Variants in CACNA2D1 observed in about 807,000 individuals in gnomAD.
CACNA2D1 encodes the protein calcium voltage-gated channel auxiliary subunit alpha2delta 1.
CACNA2D1 carries 53 observed loss-of-function variants against 171.5 expected under a neutral mutation model. That is an observed-to-expected ratio of 0.31 (90% CI 0.25 to 0.39). The LOEUF (loss-of-function observed/expected upper bound fraction) is 0.39. Among genes scored for constraint, CACNA2D1 ranks in the 10% least tolerant of loss-of-function variants. The pLI is 1.00. For missense variants in CACNA2D1, 903 were observed against 1,299.8 expected, an observed-to-expected ratio of 0.69 and a Z score of 4.69; for synonymous variants, 442 against 443.1, an observed-to-expected ratio of 1.00 and a Z score of 0.03.
At chr7:82,277,326 C>T (rs992887264) in intron 3 of CACNA2D1, among the ~76,000 whole-genome samples, 4 of 152,034 alleles carry the variant, frequency 2.6e-5, no homozygotes, top group Non-Finnish European at 4.4e-5. Flanking sequence ...CCTCAGCCCC[C>T]GAGTAGCTGG....
intron 15 of CACNA2D1, among the ~76,000 whole-genome samples, chr7:82,010,369 G>A (rs1028309311): frequency 1.3e-5 from 2 of 149,156 alleles, no homozygotes; most frequent in African/African-American, 2.5e-5. Context: ...GCAAATTCAC[G>A]TGTTCCTTTT....
At position 82,138,480 on chromosome 7, in the gene CACNA2D1, T is replaced by C. The variant is rs1309440125; in HGVS notation, c.355-1804A>G. On this transcript the variant is annotated intron_variant, in intron 4 of 38. Coordinates refer to ENST00000356860, the MANE Select transcript of CACNA2D1 (RefSeq NM_000722.4). ...TTTTTTTTTTGAGACAGAGTGTCGC[T>C]GTGTCGCCCAGGCTGGAGTGCAGTG... 4.2e-5 allele frequency among the ~76,000 whole-genome samples: 6 copies of C among 141,178 alleles called. No individual in the cohort carries two copies. In the East Asian group the frequency reaches 1.2e-3, roughly 27 times the overall value. 92.6% of individuals were successfully genotyped at this position (141,178 alleles called of 152,430 possible). A position where few individuals can be genotyped will look rare whatever the true frequency, so the allele number is the denominator to read the frequency against.
intron 10 of CACNA2D1, among the ~76,000 whole-genome samples, chr7:82,048,711 GTTTAA>G (rs1369869606): frequency 6.6e-6 from 1 of 152,020 alleles, no homozygotes; most frequent in African/African-American, 2.4e-5. Context: ...AAATATGATA[GTTTAA>G]TTTAATTTAA....
Position 82,337,959 on chromosome 7 carries a change from C to G in CACNA2D1, c.178-2708G>C, listed in dbSNP as rs187191003. Among the ~76,000 whole-genome samples, 1,150 of 152,052 alleles carry G rather than the reference C, an allele frequency of 7.6e-3. 8 individuals carry two copies. The highest frequency in any genetic ancestry group is 0.011 in the Non-Finnish European group (728 of 67,976). On this transcript the variant is annotated intron_variant, in intron 2 of 38. Coordinates refer to ENST00000356860, the MANE Select transcript of CACNA2D1 (RefSeq NM_000722.4). The stretch of plus-strand genomic sequence containing the variant: ...TACTTTCATTGTAACATTCAAAGAC[C>G]AAGTTTCTCTGTGATGACAACCTAG...
chr7:82,076,349 T>C (rs1409257688), intron 7 of CACNA2D1, among the ~76,000 whole-genome samples: 1 of 152,104 alleles, frequency 6.6e-6, no homozygotes, highest in Non-Finnish European at 1.5e-5. Flanking sequence ...CAGAGCTATT[T>C]GTACCCTCTT....
chr7:82,024,314 TG>T (rs1801621659), intron 12 of CACNA2D1, among the ~76,000 whole-genome samples: 1 of 151,692 alleles, frequency 6.6e-6, no homozygotes, highest in Non-Finnish European at 1.5e-5. Flanking sequence ...CCCCAACACT[TG>T]TCTTTTGTTT....
rs1417859571 is a variant in CACNA2D1, at chr7:82,322,081, C to G, written c.294+13054G>C. On this transcript the variant is annotated intron_variant, in intron 3 of 38. Coordinates refer to ENST00000356860, the MANE Select transcript of CACNA2D1 (RefSeq NM_000722.4). ...GCGGAGCTTGCAGTGAGCCGAGATC[C>G]CGCCACTGCACTCCAGCCTGGGTGA... Among the ~76,000 whole-genome samples, 7 of 125,392 alleles carry G rather than the reference C, an allele frequency of 5.6e-5. No individual in the cohort carries two copies. The Admixed American group carries it at 5.6e-4, about 10-fold the overall frequency. 82.3% of individuals were successfully genotyped at this position (125,392 alleles called of 152,430 possible).
intron 5 of CACNA2D1, among the ~76,000 whole-genome samples, chr7:82,125,270 A>G (rs1790206974): frequency 2.0e-5 from 3 of 152,234 alleles, no homozygotes; most frequent in African/African-American, 7.2e-5. Flanking sequence ...AACTTACTTC[A>G]TTTGAATTTT....
chr7:82,144,215 G>C (rs1440990180), intron 4 of CACNA2D1, among the ~76,000 whole-genome samples: 2 of 151,812 alleles, frequency 1.3e-5, no homozygotes. Flanking sequence ...GTAAGAATTT[G>C]GTTTCCAACA....
At chr7:82,089,904 C>T (rs1380397741) in intron 6 of CACNA2D1, among the ~76,000 whole-genome samples, 1 of 152,082 alleles carries the variant, frequency 6.6e-6, no homozygotes, top group East Asian at 1.9e-4. Context: ...GGGTCCAAGG[C>T]CTCACCATAC....
chr7:82,325,329 T>C (rs1028315598), intron 3 of CACNA2D1, among the ~76,000 whole-genome samples: 6 of 152,182 alleles, frequency 3.9e-5, no homozygotes, highest in Non-Finnish European at 8.8e-5. Context: ...GTCTGAATTT[T>C]ATTCGGTAGC....
intron 6 of CACNA2D1, among the ~76,000 whole-genome samples, chr7:82,106,928 C>T (rs1787829650): frequency 6.6e-6 from 1 of 152,290 alleles, no homozygotes; most frequent in South Asian, 2.1e-4. Context: ...ACCATATATG[C>T]TGACATAGAT....
intron 6 of CACNA2D1, among the ~76,000 whole-genome samples, chr7:82,108,949 T>C (rs1788066990): frequency 6.6e-6 from 1 of 152,174 alleles, no homozygotes; most frequent in South Asian, 2.1e-4. Flanking sequence ...GCTAATCACT[T>C]TATTACAATA....
intron 6 of CACNA2D1, among the ~76,000 whole-genome samples, chr7:82,090,129 TGGG>T (rs1204521007): frequency 6.6e-6 from 1 of 152,128 alleles, no homozygotes; most frequent in Non-Finnish European, 1.5e-5. Context: ...GGGTGGAAGT[TGGG>T]GGAATTAATT....
rs554978761 is a variant in CACNA2D1 at position 82,038,413 on chromosome 7, T to C, written c.880-178A>G. Among the ~76,000 whole-genome samples the C allele has an allele frequency of 2.0e-5, 3 of 152,320 alleles. No individual in the cohort carries two copies. In the East Asian group the frequency reaches 5.8e-4, roughly 29 times the overall value. On this transcript the variant is annotated intron_variant, in intron 10 of 38. Coordinates refer to ENST00000356860, the MANE Select transcript of CACNA2D1 (RefSeq NM_000722.4). ...AACCAATGGCTATTTTCATCTGAGC[T>C]ACCAACCCATACTGGAACGCTGAGT... is the stretch of plus-strand genomic sequence containing the variant.
In CACNA2D1 at chr7:82,439,547, C is replaced by A. The variant is rs1830345824; in HGVS notation, c.95+3818G>T. Among the ~76,000 whole-genome samples the A allele has an allele frequency of 2.0e-5, 3 of 151,666 alleles. No individual in the cohort carries two copies. The South Asian group carries it at 6.2e-4, about 31-fold the overall frequency. ...AGGGGGAGATAATAAAGGCACATTT[C>A]ATTTCCCTTTAATAAACCATAATAT... On this transcript the variant is annotated intron_variant, in intron 1 of 38. Transcript: ENST00000356860.
At chr7:82,298,990 G>T (rs566492150) in intron 3 of CACNA2D1, among the ~76,000 whole-genome samples, 4 of 150,548 alleles carry the variant, frequency 2.7e-5, no homozygotes, top group African/African-American at 9.8e-5. Context: ...TTGAACCGGG[G>T]AGGCAGAGGC....
At chr7:82,101,884 A>C (rs1235783493) in intron 6 of CACNA2D1, among the ~76,000 whole-genome samples, 1 of 152,198 alleles carries the variant, frequency 6.6e-6, no homozygotes, top group Non-Finnish European at 1.5e-5. Flanking sequence ...TAACTGTATC[A>C]GTAGGAAAGG....
chr7:82,186,140 G>A (rs755871194), intron 3 of CACNA2D1, among the ~76,000 whole-genome samples: 7 of 142,632 alleles, frequency 4.9e-5, no homozygotes, highest in Admixed American at 2.8e-4. Context: ...TAGGTGACAA[G>A]AGCGAAACTC....
Sources: allele counts gnomAD v4.1 joint callset (sites outside exome capture counted in the v4.1 genomes callset), GRCh38; gene constraint gnomAD v4.1.1; transcripts MANE v1.5; gene names NCBI Gene and HGNC (gene_info 2026-07-23, HGNC 2026-07-21).